The following GPHN variants were observed in gnomAD, a reference collection of about 807,000 sequenced individuals.
GPHN encodes gephyrin.
Under a neutral mutation model 95.5 loss-of-function variants are expected in GPHN, and 17 were observed. The ratio of observed to expected loss-of-function variants is 0.18; its 90% CI spans 0.12 to 0.27. The LOEUF (loss-of-function observed/expected upper bound fraction) is 0.27. Ranked by LOEUF, GPHN falls within the 10% of genes least tolerant of loss-of-function variation. The pLI is 1.00. For synonymous variants in GPHN, 320 were observed against 322.5 expected (o/e 0.99, Z 0.08); for missense variants, 660 against 978.1 (o/e 0.67, Z 4.34).
the GPHN span, among the ~76,000 whole-genome samples, chr14:67,559,316 CCTCA>C: frequency 6.6e-6 from 1 of 152,162 alleles, no homozygotes; most frequent in African/African-American, 2.4e-5. Flanking sequence ...GATTTCTACT[CCTCA>C]CTATTAACTT....
At chr14:67,327,093 T>C in the GPHN span, among the ~76,000 whole-genome samples, 1 of 152,132 alleles carries the variant, frequency 6.6e-6, no homozygotes, top group Non-Finnish European at 1.5e-5. Flanking sequence ...GAGAATCACT[T>C]GAACCCGGGA....
chr14:67,563,982 A>G, the GPHN span, among the ~76,000 whole-genome samples: 22 of 151,232 alleles, frequency 1.5e-4, no homozygotes, highest in East Asian at 3.5e-3. Flanking sequence ...GCTCACTGGA[A>G]GCTCTGCCTC....
At chr14:67,397,647 G>A in the GPHN span, 2 of 1,602,518 alleles carry the variant, frequency 1.2e-6, no homozygotes, top group Non-Finnish European at 1.7e-6. Flanking sequence ...CTGGACAGCA[G>A]GGGCCATCAC....
At chr14:67,684,916 A>G in the GPHN span, 4 of 921,978 alleles carry the variant, frequency 4.3e-6, no homozygotes, top group Non-Finnish European at 6.5e-6. Context: ...CAAAAGCTAT[A>G]TGAGACAATG....
At chr14:66,727,509 A>T (rs1310681446) in intron 2 of GPHN, among the ~76,000 whole-genome samples, 1 of 152,208 alleles carries the variant, frequency 6.6e-6, no homozygotes, top group Non-Finnish European at 1.5e-5. Flanking sequence ...CAAAATACTG[A>T]TAATGATATG....
chr14:67,465,346 G>GA, the GPHN span, among the ~76,000 whole-genome samples: 1 of 128,762 alleles, frequency 7.8e-6, no homozygotes. Flanking sequence ...GCTGCAGGGA[G>GA]AACTACAAGT....
intron 1 of GPHN, among the ~76,000 whole-genome samples, chr14:66,556,783 T>G (rs1014785440): frequency 1.7e-4 from 26 of 152,242 alleles, no homozygotes; most frequent in African/African-American, 5.3e-4. Context: ...TTGACTTATT[T>G]CATTATAATT....
the GPHN span, among the ~76,000 whole-genome samples, chr14:67,236,365 G>C: frequency 1.3e-5 from 2 of 151,906 alleles, no homozygotes; most frequent in East Asian, 1.9e-4. Flanking sequence ...AGCTCCTCCT[G>C]GTATAAGACC....
At chr14:66,753,774 A>G (rs901398307) in intron 2 of GPHN, among the ~76,000 whole-genome samples, 1 of 152,128 alleles carries the variant, frequency 6.6e-6, no homozygotes, top group Non-Finnish European at 1.5e-5. Context: ...GATTTTTAGT[A>G]TACTTATTTT....
At chr14:66,525,802 G>A (rs2058668276) in intron 1 of GPHN, among the ~76,000 whole-genome samples, 1 of 152,104 alleles carries the variant, frequency 6.6e-6, no homozygotes, top group African/African-American at 2.4e-5. Flanking sequence ...TTGTAGATGT[G>A]TGATGTTATT....
chr14:66,774,007 T>TG (rs1566930326), intron 2 of GPHN, among the ~76,000 whole-genome samples: 1 of 138,888 alleles, frequency 7.2e-6, no homozygotes, highest in Non-Finnish European at 1.6e-5. Context: ...TTTTTTTTTT[T>TG]TTTTTTTTTT....
At chr14:67,356,775 C>G in the GPHN span, among the ~76,000 whole-genome samples, 1 of 152,160 alleles carries the variant, frequency 6.6e-6, no homozygotes, top group Non-Finnish European at 1.5e-5. Context: ...ACTGACTGGT[C>G]TCACAAGAGG....
At chr14:67,168,894 A>G in intron 20 of GPHN, 39 bp from the exon 21 acceptor site, 1 of 1,264,000 alleles carries the variant, frequency 7.9e-7, no homozygotes. Flanking sequence ...GCAAATTGTT[A>G]CACAGTGTAT....
At chr14:66,975,496 G>A (rs559285605) in intron 9 of GPHN, among the ~76,000 whole-genome samples, 8 of 152,266 alleles carry the variant, frequency 5.3e-5, no homozygotes, top group African/African-American at 1.9e-4. Context: ...TAAACCCAAA[G>A]TCGTCTGAAA....
intron 9 of GPHN, among the ~76,000 whole-genome samples, chr14:67,008,259 C>G (rs1054465343): frequency 6.6e-6 from 1 of 151,886 alleles, no homozygotes; most frequent in Admixed American, 6.6e-5. Flanking sequence ...CAAGACCAGC[C>G]TGACCAACAT....
chr14:67,290,778 A>C, the GPHN span, among the ~76,000 whole-genome samples: 2 of 151,996 alleles, frequency 1.3e-5, no homozygotes, highest in African/African-American at 4.8e-5. Context: ...CAAGCAGTCC[A>C]CCTGCTTCAG....
At chr14:66,871,128 C>T (rs957409614) in intron 4 of GPHN, among the ~76,000 whole-genome samples, 3 of 152,190 alleles carry the variant, frequency 2.0e-5, no homozygotes, top group Admixed American at 6.5e-5. Context: ...TGAGCTTACA[C>T]GCTCTCTGAG....
At chr14:66,986,760 T>G (rs1238674765) in intron 9 of GPHN, among the ~76,000 whole-genome samples, 1 of 152,134 alleles carries the variant, frequency 6.6e-6, no homozygotes, top group Non-Finnish European at 1.5e-5. Context: ...AATGACTACC[T>G]TGAGGCCTAA....
chr14:66,825,563 G>C (rs987068057), intron 4 of GPHN, among the ~76,000 whole-genome samples: 1 of 152,104 alleles, frequency 6.6e-6, no homozygotes, highest in African/African-American at 2.4e-5. Flanking sequence ...TGGGTCTTGA[G>C]AATCTGTATT....
Sources: allele counts gnomAD v4.1 joint callset (sites outside exome capture counted in the v4.1 genomes callset), GRCh38; gene constraint gnomAD v4.1.1; transcripts MANE v1.5; gene names NCBI Gene and HGNC (gene_info 2026-07-23, HGNC 2026-07-21).